The following FOXP2 variants were observed in gnomAD, a reference collection of about 807,000 sequenced individuals.
FOXP2 encodes the protein forkhead box protein P2.
FOXP2 carries 12 observed loss-of-function variants against 115.8 expected under a neutral mutation model. That is an observed-to-expected ratio of 0.10 (90% CI 0.07 to 0.17). The LOEUF is 0.17. FOXP2 is among the 10% of genes least tolerant of loss of function. The pLI is 1.00. For missense variants in FOXP2, 629 were observed against 843.5 expected, an observed-to-expected ratio of 0.75 and a Z score of 3.15; for synonymous variants, 328 against 297.7, an observed-to-expected ratio of 1.10 and a Z score of -1.05.
rs369568043 is a variant in FOXP2, at chr7:114,637,522, T to C, written c.776-4888T>C. On this transcript the variant is annotated intron_variant, in intron 6 of 16. Coordinates refer to ENST00000350908, the MANE Select transcript of FOXP2 (RefSeq NM_014491.4). Reference sequence around the variant, plus strand: ...CCAGTACACGAGTGTTCTGGCCAAATTTTAAAACTCTTTCAAGTAACATTC... The same window carrying C: ...CCAGTACACGAGTGTTCTGGCCAAACTTTAAAACTCTTTCAAGTAACATTC... Among the ~76,000 whole-genome samples the C allele has an allele frequency of 1.4e-4, 22 of 152,228 alleles. No homozygotes were observed. In the East Asian group the frequency reaches 3.9e-3, roughly 27 times the overall value.
chr7:114,600,505 T>A (rs1217239072), intron 3 of FOXP2, among the ~76,000 whole-genome samples: 1 of 152,114 alleles, frequency 6.6e-6, no homozygotes, highest in Non-Finnish European at 1.5e-5. Flanking sequence ...TGTAGATATG[T>A]CTTTAACTCA....
intron 2 of FOXP2, among the ~76,000 whole-genome samples, chr7:114,490,323 T>C (rs1796978383): frequency 1.3e-5 from 2 of 152,134 alleles, no homozygotes; most frequent in African/African-American, 4.8e-5. Flanking sequence ...CTAAAAAAGC[T>C]ACATACTATA....
chr7:114,161,096 C>G (rs1471665024), upstream of FOXP2, among the ~76,000 whole-genome samples: 2 of 152,176 alleles, frequency 1.3e-5, no homozygotes, highest in Non-Finnish European at 2.9e-5. Context: ...TGCAAAACCA[C>G]TTCCGTGTTC....
chr7:114,450,033 T>C (rs929019426), intron 2 of FOXP2, among the ~76,000 whole-genome samples: 1 of 152,168 alleles, frequency 6.6e-6, no homozygotes, highest in Non-Finnish European at 1.5e-5. Flanking sequence ...AAAAGTATTC[T>C]GCCTGATTCC....
At chr7:114,392,057 G>C (rs1792616364) in intron 2 of FOXP2, among the ~76,000 whole-genome samples, 1 of 152,176 alleles carries the variant, frequency 6.6e-6, no homozygotes, top group South Asian at 2.1e-4. Flanking sequence ...CACAGAATGA[G>C]AATGTCATAA....
At chr7:114,331,788 G>A (rs943208383) in intron 2 of FOXP2, among the ~76,000 whole-genome samples, 4 of 151,526 alleles carry the variant, frequency 2.6e-5, no homozygotes, top group African/African-American at 9.7e-5. Flanking sequence ...TTGCATTACA[G>A]GCATGCGCCA....
chr7:114,540,794 T>G (rs1451606816), intron 3 of FOXP2, among the ~76,000 whole-genome samples: 1 of 152,104 alleles, frequency 6.6e-6, no homozygotes, highest in African/African-American at 2.4e-5. Context: ...TAGGAAATTC[T>G]GAGATCTGGT....
chr7:114,317,387 G>A (rs1201469570), intron 2 of FOXP2, among the ~76,000 whole-genome samples: 3 of 152,122 alleles, frequency 2.0e-5, no homozygotes, highest in Admixed American at 6.6e-5. Context: ...GTGACACAGT[G>A]GAAGTCTAAA....
chr7:114,248,680 A>G (rs1382295497), intron 1 of FOXP2, among the ~76,000 whole-genome samples: 1 of 152,192 alleles, frequency 6.6e-6, no homozygotes, highest in African/African-American at 2.4e-5. Flanking sequence ...CCTTGTCCTC[A>G]GGAAAGGTTA....
chr7:114,484,764 A>G (rs1365523338), intron 2 of FOXP2, among the ~76,000 whole-genome samples: 1 of 151,960 alleles, frequency 6.6e-6, no homozygotes, highest in Non-Finnish European at 1.5e-5. Context: ...GTGCCTTTAA[A>G]ATGTACGTTT....
chr7:114,626,587 A>G (rs1232145558), intron 3 of FOXP2, among the ~76,000 whole-genome samples: 1 of 151,592 alleles, frequency 6.6e-6, no homozygotes, highest in African/African-American at 2.4e-5. Context: ...GTACATGTCT[A>G]TAAACTCTAT....
chr7:114,355,058 T>C (rs1166799384), intron 2 of FOXP2, among the ~76,000 whole-genome samples: 1 of 152,218 alleles, frequency 6.6e-6, no homozygotes, highest in African/African-American at 2.4e-5. Flanking sequence ...TAACTTTTGT[T>C]CTGTGGTGAT....
At chr7:114,176,320 CTTTCTTTTTCTT>C (rs1206495695) in intron 1 of FOXP2, among the ~76,000 whole-genome samples, 12 of 132,874 alleles carry the variant, frequency 9.0e-5, no homozygotes, top group African/African-American at 3.2e-4. Flanking sequence ...CTCTCTCTCT[CTTTCTTTTTCTT>C]TCTTTCTCTC....
chr7:114,655,243 T>C (rs1262388316), intron 10 of FOXP2, among the ~76,000 whole-genome samples: 5 of 152,184 alleles, frequency 3.3e-5, no homozygotes, highest in Non-Finnish European at 7.3e-5. Context: ...AATAATTGTC[T>C]CATAAATCCA....
intron 2 of FOXP2, among the ~76,000 whole-genome samples, chr7:114,321,824 T>A (rs956801460): frequency 7.2e-5 from 11 of 152,164 alleles, no homozygotes; most frequent in Admixed American, 6.6e-5. Flanking sequence ...TCCAAAAACA[T>A]TTTCAAAGTA....
intron 2 of FOXP2, among the ~76,000 whole-genome samples, chr7:114,476,174 C>T (rs1796250783): frequency 6.7e-6 from 1 of 150,268 alleles, no homozygotes; most frequent in Non-Finnish European, 1.5e-5. Context: ...CTTTTGGGGA[C>T]TTAGCCAAAA....
At chr7:114,115,301 C>T (rs1791373838) in intron 1 of FOXP2, among the ~76,000 whole-genome samples, 1 of 152,096 alleles carries the variant, frequency 6.6e-6, no homozygotes, top group Non-Finnish European at 1.5e-5. Context: ...TTTCATGGAA[C>T]CTGCCTCTCC....
intron 16 of FOXP2, among the ~76,000 whole-genome samples, chr7:114,683,889 G>C (rs1442888312): frequency 7.2e-6 from 1 of 138,292 alleles, no homozygotes; most frequent in Non-Finnish European, 1.6e-5. Flanking sequence ...ATGGCTGAAG[G>C]GTTTTGGCTT....
chr7:114,298,135 T>C lies in FOXP2; in HGVS notation c.-11+10026T>C, dbSNP rs1562859999. On this transcript the variant is annotated intron_variant, in intron 2 of 17. Coordinates refer to the FOXP2 transcript ENST00000634411. ...AGTTTTCTCAAAATGAGGAGAGCAT[T>C]ACATGGAAATCTGACAAAGCTTAGT... Among the ~76,000 whole-genome samples the C allele has an allele frequency of 2.0e-5, 3 of 152,274 alleles. No homozygotes were observed. In the East Asian group the frequency reaches 5.8e-4, roughly 29 times the overall value.
Sources: allele counts gnomAD v4.1 joint callset (sites outside exome capture counted in the v4.1 genomes callset), GRCh38; gene constraint gnomAD v4.1.1; transcripts MANE v1.5; gene names NCBI Gene and HGNC (gene_info 2026-07-23, HGNC 2026-07-21).